Variants in TMEM132E observed in about 807,000 individuals in gnomAD.
TMEM132E encodes transmembrane protein 132E.
Under a neutral mutation model 78.5 loss-of-function variants are expected in TMEM132E, and 49 were observed. The ratio of observed to expected loss-of-function variants is 0.62; its 90% CI spans 0.50 to 0.79. The LOEUF (loss-of-function observed/expected upper bound fraction) is 0.79. Among genes scored for constraint, TMEM132E ranks in the 30% least tolerant of loss-of-function variants. The pLI is 0.00. For missense variants in TMEM132E, 1,403 were observed against 1,470.9 expected, an observed-to-expected ratio of 0.95 and a Z score of 0.75; for synonymous variants, 715 against 670.6, an observed-to-expected ratio of 1.07 and a Z score of -1.02.
intron 4 of TMEM132E, among the ~76,000 whole-genome samples, chr17:34,629,607 A>G (rs1907279694): frequency 6.6e-6 from 1 of 152,120 alleles, no homozygotes; most frequent in Non-Finnish European, 1.5e-5. Flanking sequence ...AGAACTATAG[A>G]TTTAGAAAGA....
intron 1 of TMEM132E, among the ~76,000 whole-genome samples, chr17:34,585,209 A>T (rs1399999560): frequency 6.6e-6 from 1 of 152,210 alleles, no homozygotes; most frequent in African/African-American, 2.4e-5. Flanking sequence ...AATGAGCTTT[A>T]TTGGAATCCA....
At position 34,613,224 on chromosome 17, in the gene TMEM132E, C is replaced by CGCGT. The variant is rs1335956109; in HGVS notation, c.68-12902_68-12899dup. Among the ~76,000 whole-genome samples, 5 of 151,422 alleles carry CGCGT rather than the reference C, an allele frequency of 3.3e-5. No homozygotes were observed. The East Asian group carries it at 9.8e-4, about 30-fold the overall frequency. On this transcript the variant is annotated intron_variant, in intron 1 of 8. Coordinates refer to ENST00000631683, the MANE Select transcript of TMEM132E (RefSeq NM_001304438.2). ...ACACACACACACACGCGCGCGCGCGCGCGTTCTTACATTCTTTTTCCGTTG... is the reference window on the plus strand; with the variant it reads ...ACACACACACACACGCGCGCGCGCGCGCGTGCGTTCTTACATTCTTTTTCCGTTG...
intron 1 of TMEM132E, among the ~76,000 whole-genome samples, chr17:34,589,481 A>G (rs1905787054): frequency 6.6e-6 from 1 of 152,194 alleles, no homozygotes; most frequent in Admixed American, 6.5e-5. Context: ...GGATTTTCTT[A>G]CTAATTACCT....
Position 34,637,708 on chromosome 17 carries a change from G to C in TMEM132E, c.2701G>C (p.Ala901Pro). ...CGCGCTGCTGGGCGTCTTCTGCCTC[G>C]CCATCCTCGTCTTCCTCATCAACTG... ...MYALLGVFCL[A>P]ILVFLINCIV... Residue 901 changes from alanine to proline, a missense_variant, in exon 9 of 9, where the codon GCC becomes CCC. This residue lies in a region of TMEM132E where 888 missense variants were observed against 952.8 expected (regional missense o/e 0.93). Transcript: ENST00000631683. 1 of 1,612,786 alleles carries C rather than the reference G, an allele frequency of 6.2e-7. No homozygotes were observed. The highest frequency in any genetic ancestry group is 8.5e-7 in the Non-Finnish European group (1 of 1,179,984).
At chr17:34,626,059 G>T in intron 1 of TMEM132E, 68 bp from the exon 2 acceptor site, 3 of 1,380,380 alleles carry the variant, frequency 2.2e-6, no homozygotes, top group Non-Finnish European at 1.9e-6. Flanking sequence ...ACGAGCCTGG[G>T]GGCACCCTGG....
In TMEM132E at chr17:34,637,634, G is replaced by T; in HGVS notation, c.2627G>T (p.Gly876Val). Reference sequence around the variant, plus strand: ...GAAGACTTCCTGCCGCTGCCCACCGGCTTCCTGCAGGTGCCACGGGGTCTG... The same window carrying T: ...GAAGACTTCCTGCCGCTGCCCACCGTCTTCCTGCAGGTGCCACGGGGTCTG... The part of the protein sequence containing the change: ...PTEDFLPLPT[G>V]FLQVPRGLTD... Residue 876 changes from glycine to valine, a missense_variant, in exon 9 of 9, where the codon GGC becomes GTC. Physicochemically the swap from Gly to Val is moderately radical, Grantham distance 109. Around this residue, in one of 3 missense-constraint regions of TMEM132E, gnomAD observed 888 missense variants for 952.8 expected, o/e 0.93. Coordinates refer to ENST00000631683, the MANE Select transcript of TMEM132E (RefSeq NM_001304438.2). 1 of 1,605,518 alleles carries T rather than the reference G, an allele frequency of 6.2e-7. No homozygotes were observed. The highest frequency in any genetic ancestry group is 8.5e-7 in the Non-Finnish European group (1 of 1,178,716).
Position 34,626,725 on chromosome 17 carries a change from G to C in TMEM132E, c.666G>C (p.Glu222Asp). 1 of 1,377,250 alleles carries C rather than the reference G, an allele frequency of 7.3e-7. No homozygotes were observed. Among genetic ancestry groups the C allele is most frequent in the Non-Finnish European group, 9.5e-7 (1 of 1,048,496 alleles). The allele number at this position is 1,377,250 out of a possible 1,614,324, so 85.3% of individuals were successfully genotyped here. A position where few individuals can be genotyped will look rare whatever the true frequency, so the allele number is the denominator to read the frequency against. The change falls in exon 2 of 9, where the codon GAG becomes GAC. Residue 222 changes from glutamate (E) to aspartate (D), a missense_variant. By Grantham distance (45) the Glu-to-Asp change is conservative (BLOSUM62 2). Around this residue, in one of 3 missense-constraint regions of TMEM132E, gnomAD observed 511 missense variants for 499.0 expected, o/e 1.02. Transcript: ENST00000631683. ...AGTCCCCGGACGGGCTGGAGCCCGAGGCGACGGGGGAGAGCCAGCAGGCCG... is the reference window on the plus strand; with the variant it reads ...AGTCCCCGGACGGGCTGGAGCCCGACGCGACGGGGGAGAGCCAGCAGGCCG... ...RRKSPDGLEP[E>D]ATGESQQAEL...
chr17:34,581,232 C>A, intron 1 of TMEM132E, 89 bp downstream of exon 1: 2 of 1,192,132 alleles, frequency 1.7e-6, no homozygotes, highest in South Asian at 1.8e-5. Flanking sequence ...AGCACCCACA[C>A]CCCCTGGACT....
At chr17:34,604,331 T>C (rs1597681162) in intron 1 of TMEM132E, among the ~76,000 whole-genome samples, 1 of 152,112 alleles carries the variant, frequency 6.6e-6, no homozygotes. Context: ...TTCTGAGCGC[T>C]CTCCCTAGTC....
intron 3 of TMEM132E, 36 bp from the exon 4 acceptor site, chr17:34,628,976 C>T: frequency 6.6e-7 from 1 of 1,521,830 alleles, no homozygotes; most frequent in Middle Eastern, 1.8e-4. Context: ...CCCAGCCCTT[C>T]ATCCTCTGCT....
chr17:34,630,272 C>G (rs1597691770), intron 5 of TMEM132E, 121 bp downstream of exon 5: 1 of 1,083,030 alleles, frequency 9.2e-7, no homozygotes, highest in East Asian at 2.7e-5. Flanking sequence ...ACCCAGGCCT[C>G]CCTGTGCTGG....
At chr17:34,633,439 A>C (rs1907415609) in intron 6 of TMEM132E, among the ~76,000 whole-genome samples, 1 of 152,264 alleles carries the variant, frequency 6.6e-6, no homozygotes, top group Non-Finnish European at 1.5e-5. Flanking sequence ...GAGTGCAGAC[A>C]CACTGTGACT....
intron 1 of TMEM132E, among the ~76,000 whole-genome samples, chr17:34,593,102 T>C (rs534242090): frequency 3.8e-4 from 58 of 151,294 alleles, no homozygotes; most frequent in Non-Finnish European, 7.0e-4. Flanking sequence ...GCCCAAACAA[T>C]TGTCATTTCA....
intron 2 of TMEM132E, among the ~76,000 whole-genome samples, chr17:34,628,333 A>G (rs1244020290): frequency 6.6e-6 from 1 of 152,234 alleles, no homozygotes; most frequent in African/African-American, 2.4e-5. Flanking sequence ...AAGACTTGGC[A>G]GGGATACGGT....
At chr17:34,627,466 T>TCGTGTGTATGTGCGTGCGCGCGCG (rs1555564402) in intron 2 of TMEM132E, among the ~76,000 whole-genome samples, 2 of 24,986 alleles carry the variant, frequency 8.0e-5, no homozygotes, top group African/African-American at 2.6e-4. Flanking sequence ...GCCAAAAGAA[T>TCGTGTGTATGTGCGTGCGCGCGCG]CGTGTGTGTG....
At chr17:34,582,040 G>C (rs890035585) in intron 1 of TMEM132E, among the ~76,000 whole-genome samples, 2 of 152,048 alleles carry the variant, frequency 1.3e-5, no homozygotes, top group African/African-American at 2.4e-5. Context: ...AGCAGACCGA[G>C]GTGGGAGGGA....
rs149541549 is a variant in TMEM132E at position 34,596,186 on chromosome 17, G to T, written c.67+15043G>T. Among the ~76,000 whole-genome samples, 206 of 152,302 alleles carry T rather than the reference G, an allele frequency of 1.4e-3. 1 individual carries two copies. Among genetic ancestry groups the T allele is most frequent in the African/African-American group, 4.8e-3 (199 of 41,564 alleles). On this transcript the variant is annotated intron_variant, in intron 1 of 8. Coordinates refer to ENST00000631683, the MANE Select transcript of TMEM132E (RefSeq NM_001304438.2). Reference sequence around the variant, plus strand: ...GTGGCAAGAGGAATTGGTATTTGAAGATCAGGTTCTTGTTCCTTGCAGTTC... The same window carrying T: ...GTGGCAAGAGGAATTGGTATTTGAATATCAGGTTCTTGTTCCTTGCAGTTC...
At chr17:34,608,455 A>C (rs753335484) in intron 1 of TMEM132E, among the ~76,000 whole-genome samples, 2 of 152,228 alleles carry the variant, frequency 1.3e-5, no homozygotes, top group African/African-American at 2.4e-5. Flanking sequence ...GGAAGGTAGA[A>C]TACATAAACC....
chr17:34,584,574 A>G (rs1402136918), intron 1 of TMEM132E, among the ~76,000 whole-genome samples: 1 of 152,182 alleles, frequency 6.6e-6, no homozygotes, highest in East Asian at 1.9e-4. Context: ...CATGTCTTCT[A>G]TGTGTTTGCA....
Sources: allele counts gnomAD v4.1 joint callset (sites outside exome capture counted in the v4.1 genomes callset), GRCh38; gene constraint gnomAD v4.1.1; regional missense constraint gnomAD v4.1.1; transcripts MANE v1.5; gene names NCBI Gene and HGNC (gene_info 2026-07-23, HGNC 2026-07-21).